ZNF704: variants seen among roughly 807,000 people sequenced by gnomAD.
ZNF704 encodes the protein glucocorticoid induced gene 1.
Under a neutral mutation model 44.7 loss-of-function variants are expected in ZNF704, and 10 were observed. The ratio of observed to expected loss-of-function variants is 0.22; its 90% CI spans 0.14 to 0.38. The LOEUF (loss-of-function observed/expected upper bound fraction) is 0.38, where lower values mean the gene tolerates loss of function less well. ZNF704 is among the 10% of genes least tolerant of loss of function. The pLI, the probability that ZNF704 is intolerant of heterozygous loss-of-function variation, is 1.00. For missense variants in ZNF704, 390 were observed against 545.5 expected, an observed-to-expected ratio of 0.71 and a Z score of 2.84; for synonymous variants, 211 against 207.6, an observed-to-expected ratio of 1.02 and a Z score of -0.14.
intron 2 of ZNF704, among the ~76,000 whole-genome samples, chr8:80,733,401 A>G (rs1210821619): frequency 6.6e-6 from 1 of 152,212 alleles, no homozygotes; most frequent in Admixed American, 6.5e-5. Flanking sequence ...AGGCTTTGAT[A>G]AAACACATTT....
chr8:80,708,697 G>GT (rs1461338113), intron 2 of ZNF704, among the ~76,000 whole-genome samples: 6 of 152,206 alleles, frequency 3.9e-5, no homozygotes, highest in African/African-American at 1.4e-4. Flanking sequence ...CGCACTTACT[G>GT]TAATAGCATG....
At chr8:80,850,116 A>AC (rs1373130025) in intron 1 of ZNF704, among the ~76,000 whole-genome samples, 1 of 152,178 alleles carries the variant, frequency 6.6e-6, no homozygotes, top group Non-Finnish European at 1.5e-5. Flanking sequence ...TCCTACATGT[A>AC]CTGGATAGAA....
intron 2 of ZNF704, among the ~76,000 whole-genome samples, chr8:80,717,450 C>T (rs990516330): frequency 6.6e-6 from 1 of 152,232 alleles, no homozygotes; most frequent in African/African-American, 2.4e-5. Context: ...TGTTTTTCTA[C>T]TTATTCCGTA....
chr8:80,716,673 T>C (rs1204277117), intron 2 of ZNF704, among the ~76,000 whole-genome samples: 1 of 152,242 alleles, frequency 6.6e-6, no homozygotes, highest in East Asian at 1.9e-4. Context: ...ACTGTTTTTG[T>C]TCATAACTTA....
intron 2 of ZNF704, among the ~76,000 whole-genome samples, chr8:80,770,391 A>G (rs934345969): frequency 6.6e-6 from 1 of 152,104 alleles, no homozygotes; most frequent in African/African-American, 2.4e-5. Context: ...GTTTTAATAG[A>G]TATGTAGTGA....
intron 2 of ZNF704, among the ~76,000 whole-genome samples, chr8:80,742,332 C>T (rs1806774573): frequency 6.6e-6 from 1 of 152,180 alleles, no homozygotes; most frequent in Non-Finnish European, 1.5e-5. Flanking sequence ...ACATAGTTTC[C>T]TCCCCTCAGG....
intron 2 of ZNF704, chr8:80,776,886 A>C (rs979569373): frequency 6.6e-6 from 1 of 151,916 alleles, no homozygotes; most frequent in Non-Finnish European, 1.5e-5. Context: ...ACAGCCCAGA[A>C]CTCCTGGACT....
rs143491885 is a variant in ZNF704, at chr8:80,659,615, T to C, written c.1002A>G (p.Gln334=). The C allele has an allele frequency of 1.0e-3, 1,666 of 1,613,972 alleles. 1 individual carries two copies. The highest frequency in any genetic ancestry group is 1.3e-3 in the Non-Finnish European group (1,535 of 1,179,918). Residue 334 remains glutamine, a synonymous_variant, in exon 7 of 9, where the codon CAA becomes CAG. Coordinates refer to ENST00000327835, the MANE Select transcript of ZNF704 (RefSeq NM_001033723.3). ...PNGSSFSISW[Q]SPPVTFTGIP... ...TGCCTGTGAAAGTGACCGGAGGAGA[T>C]TGCCAGGAAATGCTGAAGCTGCTGC...
intron 2 of ZNF704, among the ~76,000 whole-genome samples, chr8:80,808,839 TCA>T (rs1808036362): frequency 6.6e-6 from 1 of 152,248 alleles, no homozygotes; most frequent in African/African-American, 2.4e-5. Flanking sequence ...CAAAAACAGT[TCA>T]CAGTCACCAG....
chr8:80,695,048 A>C (rs1422311737), intron 2 of ZNF704, among the ~76,000 whole-genome samples: 2 of 152,262 alleles, frequency 1.3e-5, no homozygotes, highest in African/African-American at 4.8e-5. Context: ...ATTTTACAGT[A>C]TTCACAGTTT....
intron 2 of ZNF704, among the ~76,000 whole-genome samples, chr8:80,807,371 C>T (rs763494103): frequency 3.9e-5 from 6 of 152,062 alleles, no homozygotes; most frequent in Non-Finnish European, 8.8e-5. Flanking sequence ...CCAGCCAATG[C>T]TAATGGCTAA....
rs931910501 is a variant in ZNF704 at position 80,844,408 on chromosome 8, T to C, written c.-21-22793A>G. ...AAGAGGGCTACCTAGCTCTCTGGCC[T>C]CTTCTTTTAAGCACACGAACCCCAT... On this transcript the variant is annotated intron_variant, in intron 1 of 8. Coordinates refer to ENST00000327835, the MANE Select transcript of ZNF704 (RefSeq NM_001033723.3). Among the ~76,000 whole-genome samples the C allele has an allele frequency of 2.0e-5, 3 of 152,304 alleles. No homozygotes were observed. In the East Asian group the frequency reaches 5.8e-4, roughly 29 times the overall value.
intron 1 of ZNF704, among the ~76,000 whole-genome samples, chr8:80,833,959 T>C (rs572264336): frequency 6.6e-6 from 1 of 152,284 alleles, no homozygotes; most frequent in South Asian, 2.1e-4. Context: ...GTTTAAGCAG[T>C]TCTTAACTGG....
intron 2 of ZNF704, among the ~76,000 whole-genome samples, chr8:80,741,683 G>A (rs562985898): frequency 5.3e-5 from 8 of 152,324 alleles, no homozygotes; most frequent in African/African-American, 1.9e-4. Flanking sequence ...GTTTCTTCCA[G>A]ACAATGAAGA....
chr8:80,642,943 TAGA>T, intron 8 of ZNF704, 89 bp downstream of exon 8: 1 of 826,136 alleles, frequency 1.2e-6, no homozygotes, highest in Non-Finnish European at 1.7e-6. Context: ...AGAAATTTTA[TAGA>T]AGATCATTTC....
intron 2 of ZNF704, among the ~76,000 whole-genome samples, chr8:80,779,906 ATAATAT>A: frequency 6.7e-6 from 1 of 149,980 alleles, no homozygotes; most frequent in African/African-American, 2.4e-5. Flanking sequence ...AAATATAATA[ATAATAT>A]TAATATTATA....
At chr8:80,748,521 G>T (rs911819483) in intron 2 of ZNF704, among the ~76,000 whole-genome samples, 2 of 152,214 alleles carry the variant, frequency 1.3e-5, no homozygotes, top group Non-Finnish European at 2.9e-5. Flanking sequence ...AAGGATCTCA[G>T]AAGATCCCCC....
the ZNF704 span, among the ~76,000 whole-genome samples, chr8:80,882,105 A>G: frequency 6.6e-6 from 1 of 152,210 alleles, no homozygotes; most frequent in African/African-American, 2.4e-5. Flanking sequence ...AAAGTATTAT[A>G]TACCTTTTGG....
chr8:80,777,230 T>C (rs1053269509), intron 2 of ZNF704, among the ~76,000 whole-genome samples: 2 of 152,166 alleles, frequency 1.3e-5, no homozygotes, highest in Non-Finnish European at 2.9e-5. Context: ...TGGCTGCTTA[T>C]TTCACTCCAC....
Sources: gnomAD v4.1 joint callset for allele counts (sites outside exome capture counted in the v4.1 genomes callset) on GRCh38, gnomAD v4.1.1 for gene constraint, MANE v1.5 for transcripts, NCBI Gene and HGNC (gene_info 2026-07-23, HGNC 2026-07-21) for gene names.